The following FBLN5 variants were observed in gnomAD, a reference collection of about 807,000 sequenced individuals.
The protein encoded by FBLN5 is fibulin 5.
In FBLN5, 24 loss-of-function variants were observed where a neutral mutation model predicts 61.6. The observed-to-expected ratio is 0.39, with a 90% CI of 0.28 to 0.55. The LOEUF is 0.55. FBLN5 is among the 20% of genes least tolerant of loss of function. FBLN5 has a pLI of 0.65. For missense variants in FBLN5, 470 were observed against 594.1 expected, an observed-to-expected ratio of 0.79 and a Z score of 2.17; for synonymous variants, 213 against 219.8, an observed-to-expected ratio of 0.97 and a Z score of 0.27.
In FBLN5 at chr14:91,940,588, T is replaced by C; in HGVS notation, c.101A>G (p.Asp34Gly). 6.2e-7 allele frequency: 1 copy of C among 1,614,064 alleles called. No individual in the cohort carries two copies. The highest frequency in any genetic ancestry group is 1.1e-5 in the South Asian group (1 of 91,076). ...QAQCTNGFDL[D>G]RQSGQCLDID... Reference sequence around the variant, plus strand: ...ACCTAAACACTGTCCTGACTGGCGATCCAGGTCAAAGCCATTCGTGCACTG... The same window carrying C: ...ACCTAAACACTGTCCTGACTGGCGACCCAGGTCAAAGCCATTCGTGCACTG... The change falls in exon 3 of 11, where the codon GAT becomes GGT. Residue 34 changes from aspartate (D) to glycine (G), a missense_variant. Asp to Gly is a moderately conservative substitution (Grantham distance 94). Coordinates refer to ENST00000342058, the MANE Select transcript of FBLN5 (RefSeq NM_006329.4).
chr14:91,892,435 G>C (rs1890034189), intron 5 of FBLN5, among the ~76,000 whole-genome samples: 1 of 152,204 alleles, frequency 6.6e-6, no homozygotes, highest in Admixed American at 6.5e-5. Flanking sequence ...CCTTGTGCCT[G>C]GTTTCTACCT....
chr14:91,906,659 C>A (rs2018736), intron 4 of FBLN5, among the ~76,000 whole-genome samples: 71,146 of 152,118 alleles, frequency 0.47, 17,821 homozygotes, highest in Admixed American at 0.64. Flanking sequence ...TTCCCAGCCA[C>A]CCCTCTATGG....
At chr14:91,936,121 C>G (rs1184150738) in intron 4 of FBLN5, among the ~76,000 whole-genome samples, 1 of 152,084 alleles carries the variant, frequency 6.6e-6, no homozygotes, top group Non-Finnish European at 1.5e-5. Flanking sequence ...AATGGGACAA[C>G]AAAATCTTGG....
intron 4 of FBLN5, among the ~76,000 whole-genome samples, chr14:91,897,994 G>T (rs1181016149): frequency 6.6e-6 from 1 of 152,172 alleles, no homozygotes. Flanking sequence ...AGCCTATGGT[G>T]AGCCAAGACT....
chr14:91,894,821 A>AAC, intron 5 of FBLN5, 129 bp downstream of exon 5: 7 of 448,482 alleles, frequency 1.6e-5, no homozygotes, highest in South Asian at 3.3e-5. Context: ...ATAGCCTTCC[A>AAC]CCCCTCCCGC....
intron 4 of FBLN5, among the ~76,000 whole-genome samples, chr14:91,930,870 T>A (rs2055910624): frequency 6.6e-6 from 1 of 152,196 alleles, no homozygotes; most frequent in South Asian, 2.1e-4. Flanking sequence ...GCCTGCAAGG[T>A]AAATGTGTAC....
rs1280660623 is a variant in FBLN5 at position 91,870,332 on chromosome 14, G to A, written c.1239C>T (p.Pro413=). The A allele has an allele frequency of 6.2e-7, 1 of 1,614,162 alleles. No homozygotes were observed. The highest frequency in any genetic ancestry group is 8.5e-7 in the Non-Finnish European group (1 of 1,180,026). Residue 413 remains proline, a synonymous_variant, in exon 11 of 11, where the codon CCC becomes CCT. Coordinates refer to ENST00000342058, the MANE Select transcript of FBLN5 (RefSeq NM_006329.4). ...TTTCCAAGTCCAGCTGGATTTCCCG[G>A]GGCCCTTTGATGGGGCGTGTCATCA... ...TLVMTRPIKG[P]REIQLDLEMI...
intron 4 of FBLN5, among the ~76,000 whole-genome samples, chr14:91,903,409 T>A (rs2139996222): frequency 6.6e-6 from 1 of 152,212 alleles, no homozygotes; most frequent in Admixed American, 6.5e-5. Flanking sequence ...CATAAAGAGA[T>A]AACAAAAAGT....
intron 4 of FBLN5, among the ~76,000 whole-genome samples, chr14:91,895,562 G>C (rs1020762253): frequency 6.6e-6 from 1 of 151,840 alleles, no homozygotes; most frequent in African/African-American, 2.4e-5. Flanking sequence ...ACTTTGGGAG[G>C]CTGAGATGGG....
intron 4 of FBLN5, among the ~76,000 whole-genome samples, chr14:91,922,347 TA>T (rs2055752615): frequency 6.7e-6 from 1 of 150,170 alleles, no homozygotes; most frequent in African/African-American, 2.4e-5. Context: ...AATAAATAAA[TA>T]AATAAATAAA....
At chr14:91,907,158 C>T (rs907541349) in intron 4 of FBLN5, among the ~76,000 whole-genome samples, 2 of 152,156 alleles carry the variant, frequency 1.3e-5, no homozygotes, top group African/African-American at 4.8e-5. Flanking sequence ...TAAGTTCTGG[C>T]CAGTGAGATA....
At chr14:91,925,307 C>A (rs993045400) in intron 4 of FBLN5, among the ~76,000 whole-genome samples, 2 of 152,118 alleles carry the variant, frequency 1.3e-5, no homozygotes, top group African/African-American at 4.8e-5. Flanking sequence ...CCCTCTGGCC[C>A]GGCTCCGACA....
rs766724282 is a variant in FBLN5, at chr14:91,887,204, A to T, written c.728T>A (p.Val243Asp). Residue 243 changes from valine to aspartate, a missense_variant, in exon 7 of 11, where the codon GTT becomes GAT. Coordinates refer to ENST00000342058, the MANE Select transcript of FBLN5 (RefSeq NM_006329.4). ...DPGYELEEDGVHCSDMDECSF... is the reference protein window; with the variant it reads ...DPGYELEEDGDHCSDMDECSF... ...CGAAAGCCCATTACCACTGCAATGA[A>T]CGCCATCTTCCTCAAGTTCATATCC... 6.2e-7 allele frequency: 1 copy of T among 1,613,746 alleles called. No individual in the cohort carries two copies. The highest frequency in any genetic ancestry group is 1.1e-5 in the South Asian group (1 of 91,068).
At chr14:91,929,329 G>T (rs922024709) in intron 4 of FBLN5, among the ~76,000 whole-genome samples, 7 of 152,192 alleles carry the variant, frequency 4.6e-5, no homozygotes, top group African/African-American at 1.7e-4. Context: ...TAGTCCTGTG[G>T]CCTGTTGCCT....
At chr14:91,935,931 T>C (rs1435490021) in intron 4 of FBLN5, among the ~76,000 whole-genome samples, 1 of 152,158 alleles carries the variant, frequency 6.6e-6, no homozygotes, top group Non-Finnish European at 1.5e-5. Flanking sequence ...CCAGCGAAAA[T>C]GCAGAAGTTT....
intron 3 of FBLN5, among the ~76,000 whole-genome samples, chr14:91,937,654 G>A (rs1313108764): frequency 1.3e-5 from 2 of 152,272 alleles, no homozygotes; most frequent in Non-Finnish European, 2.9e-5. Context: ...TCAGCTAGCA[G>A]CCCAGGCCCC....
chr14:91,884,780 G>A (rs1022239194), intron 7 of FBLN5, among the ~76,000 whole-genome samples: 5 of 152,254 alleles, frequency 3.3e-5, no homozygotes, highest in Admixed American at 1.3e-4. Context: ...GATGGAGAGC[G>A]TAGCACCTAC....
In FBLN5 at chr14:91,947,501, C is replaced by T. The variant is rs1033356529; in HGVS notation, c.-272G>A. 7 of 591,672 alleles carry T rather than the reference C, an allele frequency of 1.2e-5. No individual in the cohort carries two copies. The highest frequency in any genetic ancestry group is 1.8e-5 in the Non-Finnish European group (6 of 332,802). 36.7% of individuals were successfully genotyped at this position (591,672 alleles called of 1,614,324 possible). A position where few individuals can be genotyped will look rare whatever the true frequency, so the allele number is the denominator to read the frequency against. ...TTGGAGGAGGAATGTTAAAAATGAA[C>T]ACTTCATTTTCTAAGTATGTTAAAC... On this transcript the variant is annotated 5_prime_UTR_variant, in exon 1 of 11. Transcript: ENST00000342058. The surrounding 1 kb of genome is among the most constrained non-coding windows in gnomAD (Gnocchi z 4.3).
At chr14:91,923,787 G>A (rs1220169919) in intron 4 of FBLN5, among the ~76,000 whole-genome samples, 1 of 152,018 alleles carries the variant, frequency 6.6e-6, no homozygotes, top group African/African-American at 2.4e-5. Context: ...ACAGCATCTC[G>A]TTCATCCTTA....
Sources: gnomAD v4.1 joint callset for allele counts (sites outside exome capture counted in the v4.1 genomes callset) on GRCh38, gnomAD v4.1.1 for gene constraint, Gnocchi (gnomAD v3.1) non-coding constraint, MANE v1.5 for transcripts, NCBI Gene and HGNC (gene_info 2026-07-23, HGNC 2026-07-21) for gene names.